The following CES5A variants were observed in gnomAD, a reference collection of about 807,000 sequenced individuals.
The protein encoded by CES5A is carboxylesterase 5.
In CES5A, 67 loss-of-function variants were observed where a neutral mutation model predicts 62.9. The observed-to-expected ratio is 1.07, with a 90% CI of 0.88 to 1.31. CES5A has a LOEUF of 1.31. Among genes scored for constraint, CES5A ranks in the 50% most tolerant of loss-of-function variants. The probability of loss-of-function intolerance (pLI) is 0.00; values close to 1 mark genes in which losing one functional copy is unlikely to be tolerated. For missense variants in CES5A, 748 were observed against 708.5 expected (o/e 1.06, Z -0.63); for synonymous variants, 296 against 280.8 (o/e 1.05, Z -0.54).
chr16:55,884,063 C>T (rs543284744), intron 1 of CES5A, among the ~76,000 whole-genome samples: 8 of 152,212 alleles, frequency 5.3e-5, no homozygotes, highest in Non-Finnish European at 8.8e-5. Flanking sequence ...AATAAACAAC[C>T]ATACATCCCT....
intron 1 of CES5A, among the ~76,000 whole-genome samples, chr16:55,901,563 C>T (rs565139718): frequency 6.6e-6 from 1 of 152,196 alleles, no homozygotes; most frequent in African/African-American, 2.4e-5. Flanking sequence ...GGCAAGAAAG[C>T]CTTCCCCTTA....
In CES5A at chr16:55,852,543, G is replaced by C. The variant is rs184966002; in HGVS notation, c.1273+338C>G. Among the ~76,000 whole-genome samples the C allele has an allele frequency of 9.2e-5, 14 of 152,272 alleles. No homozygotes were observed. In the East Asian group the frequency reaches 2.7e-3, roughly 29 times the overall value. On this transcript the variant is annotated intron_variant, in intron 10 of 12. Transcript: ENST00000290567. The stretch of plus-strand genomic sequence containing the variant: ...ATTACTCCTTATAGCTGTAATGTTT[G>C]TTCCATTACTACGTATGGCTAAGAT...
intron 2 of CES5A, among the ~76,000 whole-genome samples, chr16:55,933,683 A>T (rs1216345611): frequency 1.3e-5 from 2 of 152,138 alleles, no homozygotes; most frequent in African/African-American, 4.8e-5. Context: ...ACATATATAC[A>T]CATATCTAGA....
At chr16:55,947,727 G>C (rs2034511859) in intron 2 of CES5A, among the ~76,000 whole-genome samples, 1 of 151,846 alleles carries the variant, frequency 6.6e-6, no homozygotes, top group Non-Finnish European at 1.5e-5. Context: ...GTGAGGGGAG[G>C]AGCCATGAAG....
chr16:55,941,352 G>A (rs965120775), intron 2 of CES5A, among the ~76,000 whole-genome samples: 1 of 151,852 alleles, frequency 6.6e-6, no homozygotes, highest in Non-Finnish European at 1.5e-5. Context: ...ATGTATAATT[G>A]GAAAACAAAA....
chr16:55,890,039 G>A (rs1441028937), intron 1 of CES5A, among the ~76,000 whole-genome samples: 2 of 152,152 alleles, frequency 1.3e-5, no homozygotes, highest in Non-Finnish European at 2.9e-5. Context: ...AAGCATCAGA[G>A]TCACACTCAC....
At chr16:55,930,252 C>A (rs1286371656), upstream of CES5A, among the ~76,000 whole-genome samples, 1 of 151,830 alleles carries the variant, frequency 6.6e-6, no homozygotes, top group East Asian at 1.9e-4. Flanking sequence ...CAACTGGATC[C>A]CCTAGGCTCT....
chr16:55,941,833 TGGC>T (rs1229695465), intron 2 of CES5A, among the ~76,000 whole-genome samples: 1 of 152,132 alleles, frequency 6.6e-6, no homozygotes, highest in African/African-American at 2.4e-5. Flanking sequence ...ATTCTAGCAG[TGGC>T]TGCACAAACC....
intron 8 of CES5A, among the ~76,000 whole-genome samples, chr16:55,857,458 T>C (rs1308110081): frequency 1.3e-5 from 2 of 152,188 alleles, no homozygotes; most frequent in Non-Finnish European, 2.9e-5. Context: ...GCTGAAAATC[T>C]TGGGGTAATG....
intron 1 of CES5A, among the ~76,000 whole-genome samples, chr16:55,882,172 T>C (rs1235579464): frequency 6.6e-6 from 1 of 152,122 alleles, no homozygotes; most frequent in Non-Finnish European, 1.5e-5. Flanking sequence ...GGAGTCTGGG[T>C]CCTTCAAGAG....
At chr16:55,916,477 C>A (rs1178315798) in intron 1 of CES5A, among the ~76,000 whole-genome samples, 2 of 152,154 alleles carry the variant, frequency 1.3e-5, no homozygotes, top group African/African-American at 4.8e-5. Context: ...GCCTATGAGG[C>A]TAGAAGCAAG....
intron 1 of CES5A, among the ~76,000 whole-genome samples, chr16:55,897,505 A>C (rs921349540): frequency 6.6e-6 from 1 of 152,156 alleles, no homozygotes; most frequent in Non-Finnish European, 1.5e-5. Flanking sequence ...CCCAAACCAA[A>C]GGGATCAGTC....
rs533483492 is a variant in CES5A at position 55,862,494 on chromosome 16, A to G, written c.810+854T>C. Among the ~76,000 whole-genome samples the G allele has an allele frequency of 3.1e-3, 467 of 152,342 alleles. 3 individuals carry two copies. Among genetic ancestry groups the G allele is most frequent in the Middle Eastern group, 0.014 (4 of 294 alleles). ...CCAAAGTTCTAACAGAGCAGGGAAA[A>G]TAGTGGGCACTCAGTGATGTGTGTC... On this transcript the variant is annotated intron_variant, in intron 6 of 12. Coordinates refer to ENST00000290567, the MANE Select transcript of CES5A (RefSeq NM_001143685.2).
intron 2 of CES5A, among the ~76,000 whole-genome samples, chr16:55,942,644 CAT>C (rs2034457179): frequency 6.6e-6 from 1 of 152,188 alleles, no homozygotes; most frequent in Non-Finnish European, 1.5e-5. Context: ...TAAATTTACT[CAT>C]GTGTCTATTG....
chr16:55,898,711 G>A (rs1489249376), intron 1 of CES5A, among the ~76,000 whole-genome samples: 3 of 152,182 alleles, frequency 2.0e-5, no homozygotes, highest in African/African-American at 4.8e-5. Context: ...GGGGCCCAGG[G>A]GCCACTGCCT....
intron 11 of CES5A, 86 bp downstream of exon 11, chr16:55,849,538 C>T: frequency 6.9e-7 from 1 of 1,455,888 alleles, no homozygotes; most frequent in South Asian, 1.3e-5. Flanking sequence ...AATTAAATGC[C>T]AACCCCGAAG....
chr16:55,888,132 A>G (rs536717846), intron 1 of CES5A, among the ~76,000 whole-genome samples: 3 of 151,826 alleles, frequency 2.0e-5, no homozygotes, highest in Admixed American at 2.0e-4. Context: ...TGCCAGCCCA[A>G]CTCCTTTTTT....
chr16:55,886,510 A>G (rs2033817011), intron 1 of CES5A, among the ~76,000 whole-genome samples: 1 of 152,220 alleles, frequency 6.6e-6, no homozygotes, highest in Non-Finnish European at 1.5e-5. Flanking sequence ...CAGTTCTTGC[A>G]CAACGAACCC....
chr16:55,904,537 C>G (rs1273019497), intron 1 of CES5A, among the ~76,000 whole-genome samples: 2 of 152,206 alleles, frequency 1.3e-5, no homozygotes, highest in Non-Finnish European at 2.9e-5. Flanking sequence ...GGTCAAATCT[C>G]TACTACTATT....
Sources: gnomAD v4.1 joint callset for allele counts (sites outside exome capture counted in the v4.1 genomes callset) on GRCh38, gnomAD v4.1.1 for gene constraint, MANE v1.5 for transcripts, NCBI Gene and HGNC (gene_info 2026-07-23, HGNC 2026-07-21) for gene names.